AOPEP: variants seen among roughly 807,000 people sequenced by gnomAD.
AOPEP encodes the protein aminopeptidase O (putative).
A neutral mutation model predicts 98.1 loss-of-function variants in AOPEP; 77 were observed. That is an observed-to-expected ratio of 0.78 (90% CI 0.65 to 0.95). AOPEP has a LOEUF of 0.95. AOPEP is among the 40% of genes least tolerant of loss of function. The probability of loss-of-function intolerance (pLI) is 0.00; values close to 1 mark genes in which losing one functional copy is unlikely to be tolerated. For synonymous variants in AOPEP, 346 were observed against 365.3 expected, an observed-to-expected ratio of 0.95 and a Z score of 0.60; for missense variants, 1,024 against 1,024.7, an observed-to-expected ratio of 1.00 and a Z score of 0.01.
At chr9:95,053,497 T>A (rs1251404395) in intron 13 of AOPEP, among the ~76,000 whole-genome samples, 1 of 152,224 alleles carries the variant, frequency 6.6e-6, no homozygotes, top group Non-Finnish European at 1.5e-5. Flanking sequence ...ATTCATATAC[T>A]CAACCAACCG....
chr9:94,825,687 G>T (rs1005908566), intron 5 of AOPEP, among the ~76,000 whole-genome samples: 6 of 152,182 alleles, frequency 3.9e-5, no homozygotes, highest in African/African-American at 1.4e-4. Context: ...AGTTAATAGG[G>T]TTCTTTGTGA....
chr9:94,845,537 G>A (rs2042758261), intron 5 of AOPEP, among the ~76,000 whole-genome samples: 1 of 152,150 alleles, frequency 6.6e-6, no homozygotes, highest in Admixed American at 6.6e-5. Flanking sequence ...AAAGGGGCAG[G>A]GAAGAGCAGA....
At chr9:95,080,355 G>A (rs1447790155) in intron 14 of AOPEP, among the ~76,000 whole-genome samples, 1 of 151,996 alleles carries the variant, frequency 6.6e-6, no homozygotes, top group Non-Finnish European at 1.5e-5. Context: ...GTGAAACCCC[G>A]TCTCTACAAA....
In AOPEP at chr9:94,760,814, T is replaced by A. The variant is rs554031344; in HGVS notation, c.797+234T>A. On this transcript the variant is annotated intron_variant, in intron 2 of 16. Transcript: ENST00000375315. ...GAAAAGATTATTAAGCCCTCCCTAT[T>A]TCTGAGTTAAGAGATTGAAAGCCAT... The A allele has an allele frequency of 3.2e-4, 118 of 372,552 alleles. 1 individual carries two copies. The East Asian group carries it at 4.1e-3, about 13-fold the overall frequency. 23.1% of individuals were successfully genotyped at this position (372,552 alleles called of 1,614,324 possible). A position where few individuals can be genotyped will look rare whatever the true frequency, so the allele number is the denominator to read the frequency against.
chr9:95,135,576 A>G, the AOPEP span: 1 of 1,277,942 alleles, frequency 7.8e-7, no homozygotes, highest in Non-Finnish European at 1.1e-6. Flanking sequence ...AAAGTTCAAA[A>G]TGCAATCACT....
chr9:94,821,194 A>AGGT (rs1853030752), intron 5 of AOPEP, among the ~76,000 whole-genome samples: 1 of 152,068 alleles, frequency 6.6e-6, no homozygotes, highest in Non-Finnish European at 1.5e-5. Flanking sequence ...TTATTTATTT[A>AGGT]GGTGGTGCCT....
intron 2 of AOPEP, chr9:94,762,986 C>T (rs563906076): frequency 3.4e-4 from 79 of 229,312 alleles, no homozygotes; most frequent in Non-Finnish European, 7.1e-4. Flanking sequence ...GAGCTTATTC[C>T]TCCACGGGAC....
intron 5 of AOPEP, among the ~76,000 whole-genome samples, chr9:94,805,750 C>T (rs985365280): frequency 5.3e-5 from 8 of 152,302 alleles, no homozygotes; most frequent in Admixed American, 2.0e-4. Context: ...ACGGTATGCA[C>T]GTACATGCCC....
intron 5 of AOPEP, among the ~76,000 whole-genome samples, chr9:94,813,915 A>G (rs1489918561): frequency 1.3e-5 from 2 of 152,178 alleles, no homozygotes; most frequent in Non-Finnish European, 2.9e-5. Context: ...CCGCCACAAG[A>G]AGGAATTCAA....
At chr9:94,921,060 T>A in intron 5 of AOPEP, 2 of 131,662 alleles carry the variant, frequency 1.5e-5, no homozygotes, top group Non-Finnish European at 1.6e-5. Context: ...AATAATCAAC[T>A]CTGTGATTTA....
chr9:94,928,777 C>G (rs2054792638), intron 7 of AOPEP: 4 of 437,754 alleles, frequency 9.1e-6, no homozygotes, highest in Non-Finnish European at 1.6e-5. Context: ...GGGGTCAGAT[C>G]CTTCGTTTGA....
the AOPEP span, among the ~76,000 whole-genome samples, chr9:95,146,487 CAAAAAAAAA>C: frequency 8.8e-5 from 4 of 45,572 alleles, no homozygotes; most frequent in South Asian, 1.5e-3. Context: ...GACCCCATCT[CAAAAAAAAA>C]AAAAAAAAAA....
At chr9:95,149,482 AT>A in the AOPEP span, among the ~76,000 whole-genome samples, 698 of 146,276 alleles carry the variant, frequency 4.8e-3, 4 homozygotes, top group African/African-American at 0.012. Context: ...ATCCTCAGTA[AT>A]TTTTTTTTTT....
At chr9:95,089,918 A>G (rs1415803251), downstream of AOPEP, among the ~76,000 whole-genome samples, 1 of 152,268 alleles carries the variant, frequency 6.6e-6, no homozygotes. Context: ...GCCTCCACTG[A>G]ACAGACGGAC....
the AOPEP span, among the ~76,000 whole-genome samples, chr9:95,143,969 G>A: frequency 1.3e-5 from 2 of 152,214 alleles, no homozygotes; most frequent in South Asian, 2.1e-4. Flanking sequence ...GAAAATATAT[G>A]ACTGCATTTG....
chr9:94,948,900 A>T (rs572129646), intron 7 of AOPEP, among the ~76,000 whole-genome samples: 2 of 152,342 alleles, frequency 1.3e-5, no homozygotes, highest in Admixed American at 6.5e-5. Flanking sequence ...CCACTAGCCC[A>T]TCCTGAAGTT....
intron 5 of AOPEP, among the ~76,000 whole-genome samples, chr9:94,906,991 C>G (rs2051243775): frequency 6.6e-6 from 1 of 152,096 alleles, no homozygotes; most frequent in Non-Finnish European, 1.5e-5. Flanking sequence ...GAGGTGGGCC[C>G]GAGTTTTGGC....
At chr9:94,941,359 C>T (rs2137464887) in intron 7 of AOPEP, among the ~76,000 whole-genome samples, 1 of 152,384 alleles carries the variant, frequency 6.6e-6, no homozygotes, top group East Asian at 1.9e-4. Context: ...CCCTCTATCC[C>T]TCAGGCACGT....
At chr9:94,827,054 A>G (rs1467042099) in intron 5 of AOPEP, among the ~76,000 whole-genome samples, 1 of 152,186 alleles carries the variant, frequency 6.6e-6, no homozygotes, top group Non-Finnish European at 1.5e-5. Flanking sequence ...GGTTTGTGGA[A>G]GAGATGGATA....
Sources: gnomAD v4.1 joint callset for allele counts (sites outside exome capture counted in the v4.1 genomes callset) on GRCh38, gnomAD v4.1.1 for gene constraint, MANE v1.5 for transcripts, NCBI Gene and HGNC (gene_info 2026-07-23, HGNC 2026-07-21) for gene names.